The following ENPEP variants were observed in gnomAD, a reference collection of about 807,000 sequenced individuals.
ENPEP encodes the protein AP-A.
Under a neutral mutation model 114.5 loss-of-function variants are expected in ENPEP, and 103 were observed. That is an observed-to-expected ratio of 0.90 (90% CI 0.77 to 1.06). ENPEP has a LOEUF of 1.06. Ranked by LOEUF, ENPEP falls within the 50% of genes least tolerant of loss-of-function variation. The pLI is 0.00. For synonymous variants in ENPEP, 420 were observed against 422.0 expected (o/e 1.00, Z 0.06); for missense variants, 1,196 against 1,161.3 (o/e 1.03, Z -0.43).
intron 17 of ENPEP, among the ~76,000 whole-genome samples, chr4:110,552,693 T>G (rs561262188): frequency 6.6e-6 from 1 of 152,158 alleles, no homozygotes; most frequent in African/African-American, 2.4e-5. Flanking sequence ...ACTTGTAAGA[T>G]CTTGGGCTAG....
intron 2 of ENPEP, 113 bp from the exon 3 acceptor site, chr4:110,490,920 G>A: frequency 1.7e-6 from 2 of 1,148,814 alleles, no homozygotes; most frequent in South Asian, 1.7e-5. Flanking sequence ...TCTAAGCTTT[G>A]ACAAAGGACT....
intron 19 of ENPEP, among the ~76,000 whole-genome samples, chr4:110,560,667 T>C (rs1727646989): frequency 6.6e-6 from 1 of 152,170 alleles, no homozygotes; most frequent in Non-Finnish European, 1.5e-5. Flanking sequence ...TAAATGTAAC[T>C]CTGGAACAAG....
chr4:110,558,209 C>G (rs1727552378), intron 18 of ENPEP, among the ~76,000 whole-genome samples: 1 of 147,648 alleles, frequency 6.8e-6, no homozygotes, highest in African/African-American at 2.5e-5. Context: ...CAGCTTTTAT[C>G]TTCATGATTT....
chr4:110,506,371 C>A, intron 3 of ENPEP: 1 of 333,724 alleles, frequency 3.0e-6, no homozygotes, highest in Non-Finnish European at 5.4e-6. Flanking sequence ...TCATGCCAAC[C>A]ATTGTGTCTT....
At chr4:110,508,684 G>T (rs1047533628) in intron 4 of ENPEP, among the ~76,000 whole-genome samples, 1 of 152,060 alleles carries the variant, frequency 6.6e-6, no homozygotes, top group Non-Finnish European at 1.5e-5. Context: ...GGTGGCGGGC[G>T]CCTGTAGTCC....
Position 110,513,503 on chromosome 4 carries a change from C to A in ENPEP, c.1397C>A (p.Thr466Asn). ...SSHPIIVTVTTPDEITSVFDG... is the reference protein window; with the variant it reads ...SSHPIIVTVTNPDEITSVFDG... The stretch of plus-strand genomic sequence containing the variant: ...CATCCAATTATTGTGACTGTGACAA[C>A]CCCTGATGAAATAACATCTGTTTTT... Residue 466 changes from threonine to asparagine, a missense_variant, in exon 7 of 20, where the codon ACC (threonine) becomes AAC (asparagine). Physicochemically the swap from Thr to Asn is moderately conservative, Grantham distance 65. Transcript: ENST00000265162. 6.2e-7 allele frequency: 1 copy of A among 1,613,384 alleles called. No individual in the cohort carries two copies. The highest frequency in any genetic ancestry group is 2.2e-5 in the East Asian group (1 of 44,788).
intron 3 of ENPEP, among the ~76,000 whole-genome samples, chr4:110,505,211 T>C (rs1352678247): frequency 6.6e-6 from 1 of 152,030 alleles, no homozygotes; most frequent in Non-Finnish European, 1.5e-5. Context: ...CTTGGAAAAA[T>C]ACCTGTCATT....
Position 110,557,217 on chromosome 4 carries a change from T to C in ENPEP, c.2643-2430T>C, listed in dbSNP as rs568711552. On this transcript the variant is annotated intron_variant, in intron 18 of 19. Transcript: ENST00000265162. ...GGAAACTGAAAGACATAACATGTCA[T>C]AGAGGGTGAATAAATTAGCAATTTT... 7.9e-5 allele frequency among the ~76,000 whole-genome samples: 12 copies of C among 152,256 alleles called. No homozygotes were observed. In the East Asian group the frequency reaches 2.3e-3, roughly 29 times the overall value.
At chr4:110,531,409 T>C (rs1578410464) in intron 11 of ENPEP, 132 bp downstream of exon 11, 2 of 650,630 alleles carry the variant, frequency 3.1e-6, no homozygotes, top group African/African-American at 1.9e-5. Flanking sequence ...AATAATTTAT[T>C]GATGATTCCA....
chr4:110,477,554 A>G (rs1724158675), intron 1 of ENPEP, among the ~76,000 whole-genome samples: 1 of 152,046 alleles, frequency 6.6e-6, no homozygotes, highest in African/African-American at 2.4e-5. Context: ...GAAGAGAGAC[A>G]TTGAAAAATC....
intron 11 of ENPEP, among the ~76,000 whole-genome samples, chr4:110,534,205 G>A (rs1351666187): frequency 2.7e-4 from 1 of 3,672 alleles, no homozygotes; most frequent in East Asian, 0.17. Flanking sequence ...AAATTCTTCA[G>A]GCAATAGTGG....
chr4:110,548,139 G>GTTTT lies in ENPEP; in HGVS notation c.2001-15_2001-12dup, dbSNP rs3042468. ...GTCTGTGGTTTTTAATTAACTGTGA[G>GTTTT]TTTTTTTTTTTTTTTTTTTTTTTTT... On this transcript the variant is annotated intron_variant, in intron 13 of 19. Coordinates refer to ENST00000265162, the MANE Select transcript of ENPEP (RefSeq NM_001977.4). 3,422 of 690,276 alleles carry GTTTT rather than the reference G, an allele frequency of 5.0e-3. 1 individual carries two copies. Among genetic ancestry groups the GTTTT allele is most frequent in the Non-Finnish European group, 5.8e-3 (3,119 of 538,188 alleles). 42.8% of individuals were successfully genotyped at this position (690,276 alleles called of 1,614,324 possible).
In ENPEP at chr4:110,525,832, G is replaced by T. The variant is rs567088741; in HGVS notation, c.1728-5366G>T. Among the ~76,000 whole-genome samples the T allele has an allele frequency of 6.6e-5, 10 of 152,294 alleles. No individual in the cohort carries two copies. In the South Asian group the frequency reaches 2.1e-3, roughly 32 times the overall value. ...GTAATTATTCTCTCTTACTATATGAGTCCACTGATTTGCTGAGCCTCAATT... is the reference window on the plus strand; with the variant it reads ...GTAATTATTCTCTCTTACTATATGATTCCACTGATTTGCTGAGCCTCAATT... On this transcript the variant is annotated intron_variant, in intron 10 of 19. Coordinates refer to ENST00000265162, the MANE Select transcript of ENPEP (RefSeq NM_001977.4).
intron 18 of ENPEP, among the ~76,000 whole-genome samples, chr4:110,557,320 G>A (rs774952473): frequency 6.6e-5 from 10 of 152,096 alleles, no homozygotes; most frequent in African/African-American, 9.7e-5. Context: ...AAATATCATC[G>A]GAAATAAGGT....
At position 110,549,374 on chromosome 4, in the gene ENPEP, T is replaced by C; in HGVS notation, c.2180T>C (p.Ile727Thr). The part of the protein sequence containing the change: ...EEYFQGQVKP[I>T]ADSLGWNDAG... ...TACTTCCAAGGTCAAGTGAAGCCTA[T>C]TGCAGATTCTCTGGGATGGAATGAT... The change falls in exon 15 of 20, where the codon ATT becomes ACT. Residue 727 changes from isoleucine (I) to threonine (T), a missense_variant. Transcript: ENST00000265162. 1 of 1,613,302 alleles carries C rather than the reference T, an allele frequency of 6.2e-7. No individual in the cohort carries two copies. Among genetic ancestry groups the C allele is most frequent in the African/African-American group, 1.3e-5 (1 of 75,000 alleles).
intron 1 of ENPEP, among the ~76,000 whole-genome samples, chr4:110,485,925 C>T (rs1260882242): frequency 2.6e-5 from 4 of 151,922 alleles, no homozygotes; most frequent in African/African-American, 9.7e-5. Flanking sequence ...ATTACTGATG[C>T]TTCCTTTGAT....
Position 110,561,737 on chromosome 4 carries a change from A to G in ENPEP, c.*179A>G. On this transcript the variant is annotated 3_prime_UTR_variant, in exon 20 of 20. Coordinates refer to ENST00000265162, the MANE Select transcript of ENPEP (RefSeq NM_001977.4). ...TGTTCCTCTTTGTTTATGAAGAAAGATACTAATAGAGTACTTAATATACTC... is the reference window on the plus strand; with the variant it reads ...TGTTCCTCTTTGTTTATGAAGAAAGGTACTAATAGAGTACTTAATATACTC... The G allele has an allele frequency of 3.5e-6, 2 of 579,434 alleles. No individual in the cohort carries two copies. Among genetic ancestry groups the G allele is most frequent in the Non-Finnish European group, 5.9e-6 (2 of 338,342 alleles). 35.9% of individuals were successfully genotyped at this position (579,434 alleles called of 1,614,324 possible). A position where few individuals can be genotyped will look rare whatever the true frequency, so the allele number is the denominator to read the frequency against.
At chr4:110,545,659 G>C (rs183309554) in intron 13 of ENPEP, among the ~76,000 whole-genome samples, 150 of 152,088 alleles carry the variant, frequency 9.9e-4, no homozygotes, top group African/African-American at 3.5e-3. Flanking sequence ...GGTCCTCTCT[G>C]AACTTTGTTG....
rs1021857378 is a variant in ENPEP, at chr4:110,476,245, C to T, written c.-170C>T. 2 of 742,310 alleles carry T rather than the reference C, an allele frequency of 2.7e-6. No individual in the cohort carries two copies. The highest frequency in any genetic ancestry group is 2.8e-5 in the East Asian group (1 of 36,004). The allele number at this position is 742,310 out of a possible 1,614,324, so 46.0% of individuals were successfully genotyped here. A position where few individuals can be genotyped will look rare whatever the true frequency, so the allele number is the denominator to read the frequency against. ...ATTCATCCTGAGTGGCTGGTGGGAA[C>T]GTGAAAAGGGAGAGGAAAAGGCGCA... is the stretch of plus-strand genomic sequence containing the variant. On this transcript the variant is annotated 5_prime_UTR_variant, in exon 1 of 20. In the 5' UTR this introduces an upstream ATG that the reference lacks. Transcript: ENST00000265162.
Sources: gnomAD v4.1 joint callset for allele counts (sites outside exome capture counted in the v4.1 genomes callset) on GRCh38, gnomAD v4.1.1 for gene constraint, MANE v1.5 for transcripts, NCBI Gene and HGNC (gene_info 2026-07-23, HGNC 2026-07-21) for gene names.